Variants in BCAT1 observed in about 807,000 individuals in gnomAD.
BCAT1 encodes the protein branched chain amino acid transaminase 1, also known as branched-chain-amino-acid aminotransferase, cytosolic.
A neutral mutation model predicts 52.4 loss-of-function variants in BCAT1; 48 were observed. That is an observed-to-expected ratio of 0.92 (90% CI 0.73 to 1.16). BCAT1 has a LOEUF of 1.16. Among genes scored for constraint, BCAT1 ranks in the 50% most tolerant of loss-of-function variants. The probability of loss-of-function intolerance (pLI) is 0.00; values close to 1 mark genes in which losing one functional copy is unlikely to be tolerated. For synonymous variants in BCAT1, 167 were observed against 161.3 expected, an observed-to-expected ratio of 1.04 and a Z score of -0.27; for missense variants, 451 against 457.1, an observed-to-expected ratio of 0.99 and a Z score of 0.12.
At chr12:24,910,009 TGA>T (rs879425152) in intron 1 of BCAT1, among the ~76,000 whole-genome samples, 4 of 152,052 alleles carry the variant, frequency 2.6e-5, no homozygotes, top group Admixed American at 2.6e-4. Flanking sequence ...TAAAAACACA[TGA>T]GAGACCATAA....
At chr12:24,870,549 C>T (rs898198447) in intron 5 of BCAT1, among the ~76,000 whole-genome samples, 8 of 152,184 alleles carry the variant, frequency 5.3e-5, no homozygotes, top group African/African-American at 1.9e-4. Flanking sequence ...TGACCCCCTG[C>T]CAGACACTGA....
chr12:24,832,675 A>T (rs1940724349), intron 9 of BCAT1, 48 bp downstream of exon 9: 1 of 1,536,248 alleles, frequency 6.5e-7, no homozygotes, highest in African/African-American at 1.4e-5. Context: ...ATTAAATGTA[A>T]TTTAATGTGA....
At chr12:24,880,235 G>A (rs530512000) in intron 4 of BCAT1, among the ~76,000 whole-genome samples, 20 of 152,256 alleles carry the variant, frequency 1.3e-4, no homozygotes, top group African/African-American at 4.6e-4. Context: ...GATCACTTGA[G>A]GCCAGAAGTT....
At chr12:24,896,569 G>A (rs978795920) in intron 2 of BCAT1, among the ~76,000 whole-genome samples, 1 of 152,114 alleles carries the variant, frequency 6.6e-6, no homozygotes, top group Non-Finnish European at 1.5e-5. Context: ...AGGAGTTTGA[G>A]ATCAACCTGG....
chr12:24,841,580 G>A (rs1015702438), intron 7 of BCAT1, among the ~76,000 whole-genome samples: 4 of 152,018 alleles, frequency 2.6e-5, no homozygotes, highest in South Asian at 2.1e-4. Flanking sequence ...AACAAAAAAC[G>A]AAAAACAAAA....
chr12:24,892,412 C>T (rs1942869860), intron 3 of BCAT1, among the ~76,000 whole-genome samples: 1 of 152,128 alleles, frequency 6.6e-6, no homozygotes, highest in Non-Finnish European at 1.5e-5. Context: ...CAGCAATTCC[C>T]AAAATGTGGT....
intron 1 of BCAT1, among the ~76,000 whole-genome samples, chr12:24,922,848 C>T (rs1252514620): frequency 2.8e-5 from 4 of 144,120 alleles, no homozygotes; most frequent in Non-Finnish European, 6.0e-5. Flanking sequence ...CCAGTCTGGG[C>T]AACAGAGTAA....
chr12:24,846,386 G>A (rs1055672615), intron 6 of BCAT1, among the ~76,000 whole-genome samples: 2 of 152,110 alleles, frequency 1.3e-5, no homozygotes, highest in African/African-American at 2.4e-5. Context: ...TTGGGTTCCC[G>A]CCCATGTGCT....
intron 1 of BCAT1, among the ~76,000 whole-genome samples, chr12:24,937,243 G>A (rs34902696): frequency 0.3 from 46,265 of 151,936 alleles, 8,233 homozygotes; most frequent in Middle Eastern, 0.52. Flanking sequence ...GGTTGGCAGG[G>A]CAGGGTGATA....
At chr12:24,929,504 G>A (rs1943647364) in intron 1 of BCAT1, among the ~76,000 whole-genome samples, 1 of 152,072 alleles carries the variant, frequency 6.6e-6, no homozygotes, top group South Asian at 2.1e-4. Context: ...CTGTCTTTTT[G>A]TAAACAAAAT....
intron 10 of BCAT1, among the ~76,000 whole-genome samples, chr12:24,819,391 A>G (rs912962179): frequency 6.6e-6 from 1 of 152,222 alleles, no homozygotes; most frequent in African/African-American, 2.4e-5. Context: ...GTTAATAACC[A>G]TCTAAAAGGT....
intron 6 of BCAT1, among the ~76,000 whole-genome samples, chr12:24,844,603 A>G (rs1941277944): frequency 6.6e-6 from 1 of 150,964 alleles, no homozygotes; most frequent in Admixed American, 6.6e-5. Flanking sequence ...GGTAATGTTA[A>G]GAGTCCTTAA....
chr12:24,912,429 A>G (rs1221502289), intron 1 of BCAT1, among the ~76,000 whole-genome samples: 1 of 152,170 alleles, frequency 6.6e-6, no homozygotes, highest in Non-Finnish European at 1.5e-5. Flanking sequence ...CTGAGGCAGG[A>G]GAATGGCGTG....
At chr12:24,892,000 G>T (rs918514047) in intron 3 of BCAT1, among the ~76,000 whole-genome samples, 1 of 151,222 alleles carries the variant, frequency 6.6e-6, no homozygotes, top group Admixed American at 6.6e-5. Flanking sequence ...CTCGTGATCC[G>T]CCCGCCTTGG....
At chr12:24,913,959 A>G (rs1943367359) in intron 1 of BCAT1, among the ~76,000 whole-genome samples, 1 of 152,066 alleles carries the variant, frequency 6.6e-6, no homozygotes, top group Non-Finnish European at 1.5e-5. Context: ...TTTTGTTTCT[A>G]TGGCCCACTT....
intron 10 of BCAT1, among the ~76,000 whole-genome samples, chr12:24,828,021 G>A (rs1395914346): frequency 6.6e-6 from 1 of 151,854 alleles, no homozygotes; most frequent in Non-Finnish European, 1.5e-5. Context: ...CATAGTGTTG[G>A]GATTATAGGT....
intron 1 of BCAT1, among the ~76,000 whole-genome samples, chr12:24,908,741 A>T (rs1052936600): frequency 6.6e-6 from 1 of 152,058 alleles, no homozygotes. Flanking sequence ...ACCCTGTCTT[A>T]AAAAAAATAA....
Position 24,881,492 on chromosome 12 carries a change from G to C in BCAT1, c.280-81C>G. The C allele has an allele frequency of 4.6e-6, 4 of 861,014 alleles. No homozygotes were observed. In the Middle Eastern group the frequency reaches 6.9e-4, roughly 149 times the overall value. 53.3% of individuals were successfully genotyped at this position (861,014 alleles called of 1,614,324 possible). A position where few individuals can be genotyped will look rare whatever the true frequency, so the allele number is the denominator to read the frequency against. On this transcript the variant is annotated intron_variant, in intron 3 of 10. Transcript: ENST00000261192. The stretch of plus-strand genomic sequence containing the variant: ...TCAAGAGACTGACTTTCCTATGGGC[G>C]TTCATCTTATTCATCCCATAAAGCT...
intron 5 of BCAT1, among the ~76,000 whole-genome samples, chr12:24,872,248 AG>A (rs1360121045): frequency 1.3e-5 from 2 of 152,242 alleles, no homozygotes; most frequent in African/African-American, 4.8e-5. Flanking sequence ...AGGAAAAGAA[AG>A]GCATGTCTAT....
Sources: allele counts gnomAD v4.1 joint callset (sites outside exome capture counted in the v4.1 genomes callset), GRCh38; gene constraint gnomAD v4.1.1; transcripts MANE v1.5; gene names NCBI Gene and HGNC (gene_info 2026-07-23, HGNC 2026-07-21).